Variants in MEIS1 observed in about 807,000 individuals in gnomAD.
MEIS1 encodes the protein Meis homeobox 1, also known as homeobox protein Meis1.
MEIS1 carries 5 observed loss-of-function variants against 50.8 expected under a neutral mutation model. That is an observed-to-expected ratio of 0.10 (90% CI 0.05 to 0.21). The LOEUF is 0.21. Among genes scored for constraint, MEIS1 ranks in the 10% least tolerant of loss-of-function variants. The pLI is 1.00. For missense variants in MEIS1, 318 were observed against 517.3 expected (o/e 0.61, Z 3.74); for synonymous variants, 176 against 179.3 (o/e 0.98, Z 0.15).
intron 5 of MEIS1, among the ~76,000 whole-genome samples, chr2:66,442,016 G>A (rs1183284944): frequency 2.0e-5 from 3 of 152,042 alleles, no homozygotes; most frequent in Non-Finnish European, 4.4e-5. Context: ...TGATAGTTGT[G>A]TCAATTTCTT....
intron 8 of MEIS1, among the ~76,000 whole-genome samples, chr2:66,532,607 C>T (rs556179824): frequency 6.6e-6 from 1 of 151,876 alleles, no homozygotes; most frequent in East Asian, 1.9e-4. Context: ...TCCCAGTTGC[C>T]TTGATGCCAT....
chr2:66,512,779 T>A (rs991571174), intron 8 of MEIS1, among the ~76,000 whole-genome samples: 12 of 152,200 alleles, frequency 7.9e-5, no homozygotes, highest in Admixed American at 3.3e-4. Context: ...TGGCTTCCAT[T>A]ACAAAACATT....
At chr2:66,535,806 G>A (rs1449865805) in intron 8 of MEIS1, among the ~76,000 whole-genome samples, 2 of 152,004 alleles carry the variant, frequency 1.3e-5, no homozygotes, top group African/African-American at 2.4e-5. Context: ...TCTTAAGGGG[G>A]AATTCCCTTT....
Position 66,435,439 on chromosome 2 carries a change from T to G in MEIS1, c.-418T>G. ...GACCAGAAGAAGACAGAGCGGATGA[T>G]CATTCATTCACCACGTTGACAACCT... is the stretch of plus-strand genomic sequence containing the variant. On this transcript the variant is annotated 5_prime_UTR_variant, in exon 1 of 13. Coordinates refer to ENST00000272369, the MANE Select transcript of MEIS1 (RefSeq NM_002398.3). The G allele has an allele frequency of 3.3e-6, 1 of 302,204 alleles. No homozygotes were observed. The highest frequency in any genetic ancestry group is 5.0e-5 in the Admixed American group (1 of 20,154). The allele number at this position is 302,204 out of a possible 1,614,324, so 18.7% of individuals were successfully genotyped here. A position where few individuals can be genotyped will look rare whatever the true frequency, so the allele number is the denominator to read the frequency against.
rs575344777 is a variant in MEIS1 at position 66,571,340 on chromosome 2, C to A, written c.*132C>A. On this transcript the variant is annotated 3_prime_UTR_variant, in exon 13 of 13. Transcript: ENST00000272369. ...GTTATACCCAACCCCAGATGCCCCCCCATCCTGCTCAGCTGCGTCATGGGC... is the reference window on the plus strand; with the variant it reads ...GTTATACCCAACCCCAGATGCCCCCACATCCTGCTCAGCTGCGTCATGGGC... The A allele has an allele frequency of 4.4e-5, 70 of 1,599,544 alleles. No homozygotes were observed. The African/African-American group carries it at 7.9e-4, about 18-fold the overall frequency.
At chr2:66,523,599 T>C (rs544607348) in intron 8 of MEIS1, among the ~76,000 whole-genome samples, 1 of 152,222 alleles carries the variant, frequency 6.6e-6, no homozygotes, top group Non-Finnish European at 1.5e-5. Flanking sequence ...TTGAAGTGAA[T>C]ATGCTCAACA....
At chr2:66,557,659 A>T (rs1675099865) in intron 9 of MEIS1, among the ~76,000 whole-genome samples, 1 of 152,190 alleles carries the variant, frequency 6.6e-6, no homozygotes, top group Admixed American at 6.5e-5. Flanking sequence ...TATGGATATA[A>T]GGTATCTTTT....
At position 66,435,393 on chromosome 2, in the gene MEIS1, T is replaced by C. The variant is rs146905261; in HGVS notation, c.-464T>C. 1 of 220,648 alleles carries C rather than the reference T, an allele frequency of 4.5e-6. No homozygotes were observed. Among genetic ancestry groups the C allele is most frequent in the African/African-American group, 2.2e-5 (1 of 44,642 alleles). The allele number at this position is 220,648 out of a possible 1,614,324, so 13.7% of individuals were successfully genotyped here. ...AGCGCTAGGGCTTTGTGCATTTGAATATTAACATTTGAGGTGTTCTGACCA... is the reference window on the plus strand; with the variant it reads ...AGCGCTAGGGCTTTGTGCATTTGAACATTAACATTTGAGGTGTTCTGACCA... On this transcript the variant is annotated 5_prime_UTR_variant, in exon 1 of 13. Transcript: ENST00000272369.
chr2:66,567,700 A>G (rs1675384592), intron 10 of MEIS1, 189 bp downstream of exon 10: 2 of 683,016 alleles, frequency 2.9e-6, no homozygotes, highest in Non-Finnish European at 5.3e-6. Flanking sequence ...CGTTTGGAGA[A>G]GGTGGAAAAA....
intron 7 of MEIS1, among the ~76,000 whole-genome samples, chr2:66,508,475 G>A (rs546499302): frequency 6.6e-6 from 1 of 152,342 alleles, no homozygotes; most frequent in East Asian, 1.9e-4. Flanking sequence ...AAAAGAGACT[G>A]GAGTGGCCCG....
At chr2:66,437,079 C>G in intron 1 of MEIS1, 1 of 465,102 alleles carries the variant, frequency 2.2e-6, no homozygotes. Context: ...ATTCTAAATT[C>G]AGCTCTGATG....
intron 8 of MEIS1, among the ~76,000 whole-genome samples, chr2:66,532,710 C>T (rs1298630178): frequency 1.3e-5 from 2 of 151,938 alleles, no homozygotes; most frequent in African/African-American, 2.4e-5. Flanking sequence ...ATGTAATAGT[C>T]GAGTTCCTCA....
At chr2:66,516,103 C>T (rs968647637) in intron 8 of MEIS1, among the ~76,000 whole-genome samples, 2 of 152,130 alleles carry the variant, frequency 1.3e-5, no homozygotes, top group African/African-American at 4.8e-5. Flanking sequence ...ATGCATGCCA[C>T]GTTTAAGGTA....
At chr2:66,568,597 A>G in intron 10 of MEIS1, 70 bp from the exon 11 acceptor site, 1 of 1,146,382 alleles carries the variant, frequency 8.7e-7, no homozygotes, top group Non-Finnish European at 1.3e-6. Context: ...TTCTCCTCTT[A>G]GTCTCTCTTG....
chr2:66,475,209 A>AATAAATATATATTATTTATTTT (rs1672862204), intron 7 of MEIS1, among the ~76,000 whole-genome samples: 1 of 145,966 alleles, frequency 6.9e-6, no homozygotes. Flanking sequence ...CACCTATATA[A>AATAAATATATATTATTTATTTT]ATAAATATGT....
intron 9 of MEIS1, among the ~76,000 whole-genome samples, chr2:66,553,049 GA>G (rs1385929428): frequency 4.6e-5 from 7 of 151,976 alleles, no homozygotes; most frequent in Non-Finnish European, 1.0e-4. Context: ...GTAAAAAAAA[GA>G]AAAAAACAGT....
intron 8 of MEIS1, among the ~76,000 whole-genome samples, chr2:66,542,602 C>T (rs1306051532): frequency 3.3e-5 from 5 of 152,062 alleles, no homozygotes; most frequent in South Asian, 4.1e-4. Context: ...TTGTTATAGC[C>T]GTTTTGCAGT....
chr2:66,557,612 A>T (rs1320560544), intron 9 of MEIS1, among the ~76,000 whole-genome samples: 2 of 152,212 alleles, frequency 1.3e-5, no homozygotes, highest in Admixed American at 1.3e-4. Flanking sequence ...TATTATCAGC[A>T]CTTCATTCCC....
At chr2:66,450,842 T>C (rs1364732370) in intron 6 of MEIS1, among the ~76,000 whole-genome samples, 7 of 152,190 alleles carry the variant, frequency 4.6e-5, no homozygotes, top group Admixed American at 1.3e-4. Flanking sequence ...GCATGTTTAT[T>C]ATCCATTAAC....
Sources: gnomAD v4.1 joint callset for allele counts (sites outside exome capture counted in the v4.1 genomes callset) on GRCh38, gnomAD v4.1.1 for gene constraint, MANE v1.5 for transcripts, NCBI Gene and HGNC (gene_info 2026-07-23, HGNC 2026-07-21) for gene names.